SIRPA: variants seen among roughly 807,000 people sequenced by gnomAD.
SIRPA encodes tyrosine-protein phosphatase non-receptor type substrate 1.
Under a neutral mutation model 50.3 loss-of-function variants are expected in SIRPA, and 9 were observed. That is an observed-to-expected ratio of 0.18 (90% CI 0.11 to 0.31). The LOEUF is 0.31. SIRPA is among the 10% of genes least tolerant of loss of function. The pLI is 1.00. For synonymous variants in SIRPA, 265 were observed against 284.1 expected (o/e 0.93, Z 0.68); for missense variants, 474 against 661.6 (o/e 0.72, Z 3.11).
At chr20:1,917,156 G>A (rs1985355166) in intron 2 of SIRPA, among the ~76,000 whole-genome samples, 1 of 152,158 alleles carries the variant, frequency 6.6e-6, no homozygotes, top group Non-Finnish European at 1.5e-5. Context: ...GTGGGAGGGG[G>A]CCAGGGAGCA....
At chr20:1,904,289 G>T (rs1392839358) in intron 1 of SIRPA, among the ~76,000 whole-genome samples, 1 of 152,212 alleles carries the variant, frequency 6.6e-6, no homozygotes, top group South Asian at 2.1e-4. Context: ...CAAACTGCTT[G>T]CCCAACTTTA....
At chr20:1,900,614 G>A (rs946521624) in intron 1 of SIRPA, among the ~76,000 whole-genome samples, 1 of 152,160 alleles carries the variant, frequency 6.6e-6, no homozygotes, top group African/African-American at 2.4e-5. Context: ...CTTATGGTGC[G>A]GCCAGAAGAA....
In SIRPA at chr20:1,924,337, G is replaced by A. The variant is rs568162770; in HGVS notation, c.1088-427G>A. On this transcript the variant is annotated intron_variant, in intron 4 of 7. Coordinates refer to ENST00000358771, the MANE Select transcript of SIRPA (RefSeq NM_001040023.2). This position sits in a 1 kb window ranked among gnomAD's most constrained non-coding sequence, Gnocchi z 4.5. ...CCCAGGTGCTGGGCACAGACCGGTC[G>A]TCAGCCCCTGAGCTGTGCAGAGCCT... Among the ~76,000 whole-genome samples, 20 of 152,314 alleles carry A rather than the reference G, an allele frequency of 1.3e-4. 1 individual carries two copies. The South Asian group carries it at 2.9e-3, about 22-fold the overall frequency.
At position 1,928,535 on chromosome 20, in the gene SIRPA, C is replaced by T. The variant is rs553049799; in HGVS notation, c.1226+636C>T. Among the ~76,000 whole-genome samples the T allele has an allele frequency of 2.2e-4, 33 of 152,256 alleles. No individual in the cohort carries two copies. The highest frequency in any genetic ancestry group is 9.2e-4 in the Admixed American group (14 of 15,294). On this transcript the variant is annotated intron_variant, in intron 6 of 7. Transcript: ENST00000358771. The surrounding 1 kb of genome is among the most constrained non-coding windows in gnomAD (Gnocchi z 4.9). ...AGCCCAGGCTTTCATGGGGCTCAGACGCCGGTGAGAGAAACAGGCATAAAC... is the reference window on the plus strand; with the variant it reads ...AGCCCAGGCTTTCATGGGGCTCAGATGCCGGTGAGAGAAACAGGCATAAAC...
chr20:1,908,856 T>C (rs1303576849), intron 1 of SIRPA, among the ~76,000 whole-genome samples: 1 of 152,214 alleles, frequency 6.6e-6, no homozygotes, highest in Admixed American at 6.5e-5. Context: ...GTTCTCTGCA[T>C]AGCCCTTTAT....
rs1270751160 is a variant in SIRPA, at chr20:1,936,982, C to T, written c.1267-338C>T. 3.3e-5 allele frequency among the ~76,000 whole-genome samples: 5 copies of T among 152,036 alleles called. No individual in the cohort carries two copies. Among genetic ancestry groups the T allele is most frequent in the Admixed American group, 2.0e-4 (3 of 15,262 alleles). ...CAAGGAGAAGCAGGACAGACACCCT[C>T]GAGGGATGAACATGAGAAATGGGTG... On this transcript the variant is annotated intron_variant, in intron 7 of 7. Transcript: ENST00000358771. The surrounding 1 kb of genome is among the most constrained non-coding windows in gnomAD (Gnocchi z 4.2).
chr20:1,899,719 C>T (rs751377167), intron 1 of SIRPA, among the ~76,000 whole-genome samples: 2 of 152,158 alleles, frequency 1.3e-5, no homozygotes. Flanking sequence ...CCTGGCCTAG[C>T]GCTAAGATGG....
intron 1 of SIRPA, among the ~76,000 whole-genome samples, chr20:1,914,452 G>C (rs1262254968): frequency 7.7e-6 from 1 of 130,522 alleles, no homozygotes; most frequent in Non-Finnish European, 1.7e-5. Flanking sequence ...GCTGAGAGCA[G>C]TAAGGGCAAA....
intron 1 of SIRPA, among the ~76,000 whole-genome samples, chr20:1,899,082 A>T (rs952103907): frequency 2.6e-5 from 4 of 152,014 alleles, no homozygotes; most frequent in African/African-American, 9.7e-5. Context: ...GTAGTCTTGG[A>T]CTGACGGAAG....
intron 1 of SIRPA, among the ~76,000 whole-genome samples, chr20:1,914,456 G>A (rs72620871): frequency 0.41 from 61,351 of 150,978 alleles, 12,754 homozygotes; most frequent in East Asian, 0.66. Context: ...AGAGCAGTAA[G>A]GGCAAACTAA....
In SIRPA at chr20:1,928,051, T is replaced by C. The variant is rs1986093540; in HGVS notation, c.1226+152T>C. 1.3e-6 allele frequency: 1 copy of C among 750,004 alleles called. No individual in the cohort carries two copies. The allele number at this position is 750,004 out of a possible 1,614,324, so 46.5% of individuals were successfully genotyped here. A position where few individuals can be genotyped will look rare whatever the true frequency, so the allele number is the denominator to read the frequency against. ...TCCTTTGTAACCTCCTCACACTGGG[T>C]CACGCTGTTTTTAATTATTGTCCCA... is the stretch of plus-strand genomic sequence containing the variant. On this transcript the variant is annotated intron_variant, in intron 6 of 7. Coordinates refer to ENST00000358771, the MANE Select transcript of SIRPA (RefSeq NM_001040023.2). This position sits in a 1 kb window ranked among gnomAD's most constrained non-coding sequence, Gnocchi z 4.9.
In SIRPA at chr20:1,927,653, C is replaced by T. The variant is rs2076552; in HGVS notation, c.1202-222C>T. Among the ~76,000 whole-genome samples, 20,742 of 152,148 alleles carry T rather than the reference C, an allele frequency of 0.14. 2,001 individuals are homozygous for T. Among genetic ancestry groups the T allele is most frequent in the East Asian group, 0.45 (2,291 of 5,144 alleles). On this transcript the variant is annotated intron_variant, in intron 5 of 7. Transcript: ENST00000358771. The surrounding 1 kb of genome is among the most constrained non-coding windows in gnomAD (Gnocchi z 6.5). ...CTGCTTTTGGACCCCTGGCAACTTC[C>T]AGAAGTGGAAAAGCAGGACCATCTA...
At position 1,936,277 on chromosome 20, in the gene SIRPA, A is replaced by G. The variant is rs1046462125; in HGVS notation, c.1267-1043A>G. On this transcript the variant is annotated intron_variant, in intron 7 of 7. Coordinates refer to ENST00000358771, the MANE Select transcript of SIRPA (RefSeq NM_001040023.2). The surrounding 1 kb of genome is among the most constrained non-coding windows in gnomAD (Gnocchi z 4.2). ...AGTGGCAGGTTGATAGGATTAGCACATGGGAGGTATCCAAGTTTGCTAAGT... is the reference window on the plus strand; with the variant it reads ...AGTGGCAGGTTGATAGGATTAGCACGTGGGAGGTATCCAAGTTTGCTAAGT... Among the ~76,000 whole-genome samples, 5 of 152,222 alleles carry G rather than the reference A, an allele frequency of 3.3e-5. No individual in the cohort carries two copies. Among genetic ancestry groups the G allele is most frequent in the African/African-American group, 1.2e-4 (5 of 41,450 alleles).
chr20:1,933,907 C>T lies in SIRPA; in HGVS notation c.1227-808C>T, dbSNP rs553651770. Among the ~76,000 whole-genome samples the T allele has an allele frequency of 3.5e-4, 54 of 152,240 alleles. No homozygotes were observed. Among genetic ancestry groups the T allele is most frequent in the Non-Finnish European group, 6.3e-4 (43 of 68,020 alleles). On this transcript the variant is annotated intron_variant, in intron 6 of 7. Coordinates refer to ENST00000358771, the MANE Select transcript of SIRPA (RefSeq NM_001040023.2). This position sits in a 1 kb window ranked among gnomAD's most constrained non-coding sequence, Gnocchi z 4.4. ...GAACAACTTCTTTGATTAACTTGGA[C>T]ATCTTGGTCTTTTTCTTTTCTTTCT... is the stretch of plus-strand genomic sequence containing the variant.
rs2122213628 is a variant in SIRPA at position 1,937,618 on chromosome 20, C to T, written c.*50C>T. ...CCCATCTCTACGCGCTTTCTTGTCC[C>T]ACAGGGAGCCGCCGTGATGAGCACA... On this transcript the variant is annotated 3_prime_UTR_variant, in exon 8 of 8. Transcript: ENST00000358771. The surrounding 1 kb of genome is among the most constrained non-coding windows in gnomAD (Gnocchi z 8.3). 15 of 1,591,974 alleles carry T rather than the reference C, an allele frequency of 9.4e-6. No individual in the cohort carries two copies. Among genetic ancestry groups the T allele is most frequent in the Non-Finnish European group, 1.3e-5 (15 of 1,166,688 alleles).
rs1568511590 is a variant in SIRPA, at chr20:1,928,836, C to T, written c.1226+937C>T. On this transcript the variant is annotated intron_variant, in intron 6 of 7. Transcript: ENST00000358771. The surrounding 1 kb of genome is among the most constrained non-coding windows in gnomAD (Gnocchi z 4.9). ...CATCCCGGTGTCCTTTGCAGATGCC[C>T]CTGCAGTCAGAGGTGTTACGAACTA... 6.6e-6 allele frequency among the ~76,000 whole-genome samples: 1 copy of T among 152,068 alleles called. No individual in the cohort carries two copies. The highest frequency in any genetic ancestry group is 1.9e-4 in the East Asian group (1 of 5,180).
rs1985728455 is a variant in SIRPA at position 1,922,547 on chromosome 20, C to T, written c.989C>T (p.Thr330Ile). The T allele has an allele frequency of 6.2e-7, 1 of 1,614,076 alleles. No individual in the cohort carries two copies. Among genetic ancestry groups the T allele is most frequent in the Admixed American group, 1.7e-5 (1 of 60,002 alleles). Residue 330 changes from threonine to isoleucine, a missense_variant, in exon 4 of 8, where the codon ACC becomes ATC. Coordinates refer to ENST00000358771, the MANE Select transcript of SIRPA (RefSeq NM_001040023.2). Reference protein sequence around the residue: ...VSAHRDDVKLTCQVEHDGQPA... With the variant: ...VSAHRDDVKLICQVEHDGQPA... ...GCCCACAGGGATGATGTGAAGCTCA[C>T]CTGCCAGGTGGAGCATGACGGGCAG...
At chr20:1,902,130 C>G (rs1417373722) in intron 1 of SIRPA, among the ~76,000 whole-genome samples, 2 of 152,232 alleles carry the variant, frequency 1.3e-5, no homozygotes, top group Non-Finnish European at 2.9e-5. Context: ...AGCTTTGACA[C>G]TGATCAACTC....
In SIRPA at chr20:1,924,255, T is replaced by A. The variant is rs570746321; in HGVS notation, c.1088-509T>A. Among the ~76,000 whole-genome samples the A allele has an allele frequency of 0.018, 2,708 of 152,316 alleles. 38 individuals are homozygous for A. Among genetic ancestry groups the A allele is most frequent in the Middle Eastern group, 0.092 (27 of 294 alleles). On this transcript the variant is annotated intron_variant, in intron 4 of 7. Coordinates refer to ENST00000358771, the MANE Select transcript of SIRPA (RefSeq NM_001040023.2). The surrounding 1 kb of genome is among the most constrained non-coding windows in gnomAD (Gnocchi z 4.5). ...TGTGGGCAGTCAAGCCTCCATTGTA[T>A]TTTCAAGAGTCCTGGTTCAGAGCCC...
Sources: allele counts gnomAD v4.1 joint callset (sites outside exome capture counted in the v4.1 genomes callset), GRCh38; gene constraint gnomAD v4.1.1; non-coding constraint Gnocchi (gnomAD v3.1); transcripts MANE v1.5; gene names NCBI Gene and HGNC (gene_info 2026-07-23, HGNC 2026-07-21).